The following PON1 variants were observed in gnomAD, a reference collection of about 807,000 sequenced individuals.
PON1 encodes paraoxonase 1, also known as serum paraoxonase/arylesterase 1.
In PON1, 37 loss-of-function variants were observed where a neutral mutation model predicts 39.2. The observed-to-expected ratio is 0.94, with a 90% CI of 0.73 to 1.24. The LOEUF is 1.24. Ranked by LOEUF, PON1 falls within the 50% of genes most tolerant of loss-of-function variation. PON1 has a pLI of 0.00. For missense variants in PON1, 397 were observed against 413.5 expected (o/e 0.96, Z 0.35); for synonymous variants, 148 against 152.2 (o/e 0.97, Z 0.21).
chr7:95,300,453 G>T (rs142388684), intron 8 of PON1, among the ~76,000 whole-genome samples: 188 of 152,238 alleles, frequency 1.2e-3, no homozygotes, highest in Non-Finnish European at 2.2e-3. Context: ...GATATAAAAG[G>T]GTCTGTGGGA....
rs181870015 is a variant in PON1 at position 95,315,942 on chromosome 7, A to G, written c.202-452T>C. ...AGGAACTACTCCTTTCTTAGCCTTC[A>G]ATCAAAACAATAAAGCTGTTGTTTT... On this transcript the variant is annotated intron_variant, in intron 3 of 8. Coordinates refer to ENST00000222381, the MANE Select transcript of PON1 (RefSeq NM_000446.7). Among the ~76,000 whole-genome samples the G allele has an allele frequency of 1.2e-4, 18 of 152,364 alleles. No homozygotes were observed. In the East Asian group the frequency reaches 2.5e-3, roughly 21 times the overall value.
At chr7:95,317,810 G>T (rs920333243) in intron 2 of PON1, among the ~76,000 whole-genome samples, 1 of 151,976 alleles carries the variant, frequency 6.6e-6, no homozygotes, top group African/African-American at 2.4e-5. Flanking sequence ...AGCATCCTTT[G>T]CAACTAGGGC....
rs966125511 is a variant in PON1, at chr7:95,298,806, A to G, written c.*138T>C. ...CTACACATCATATCACTCCCAGTTA[A>G]ACAGTGCTTTGATGCTTCATGATGT... On this transcript the variant is annotated 3_prime_UTR_variant, in exon 9 of 9. Transcript: ENST00000222381. 2.3e-5 allele frequency: 24 copies of G among 1,058,820 alleles called. No individual in the cohort carries two copies. Among genetic ancestry groups the G allele is most frequent in the African/African-American group, 3.1e-5 (2 of 64,024 alleles). 65.6% of individuals were successfully genotyped at this position (1,058,820 alleles called of 1,614,324 possible). A position where few individuals can be genotyped will look rare whatever the true frequency, so the allele number is the denominator to read the frequency against.
chr7:95,304,495 G>A (rs1280630017), intron 7 of PON1, among the ~76,000 whole-genome samples: 1 of 152,002 alleles, frequency 6.6e-6, no homozygotes, highest in East Asian at 1.9e-4. Context: ...ACCATGTCTG[G>A]CTAATTTTTT....
At chr7:95,317,572 A>G (rs1476882248) in intron 2 of PON1, among the ~76,000 whole-genome samples, 1 of 106,966 alleles carries the variant, frequency 9.3e-6, no homozygotes, top group African/African-American at 3.4e-5. Flanking sequence ...TTCTAAAAGA[A>G]CAAAAAAAAA....
At position 95,302,231 on chromosome 7, in the gene PON1, C is replaced by A; in HGVS notation, c.883G>T (p.Asp295Tyr). ...TCTGATGCAGGAGGATTCTCTGAGTCATAGAAGAAGATTTTCATGCCATTG... is the reference window on the plus strand; with the variant it reads ...TCTGATGCAGGAGGATTCTCTGAGTAATAGAAGAAGATTTTCATGCCATTG... Reference protein sequence around the residue: ...HPNGMKIFFYDSENPPASEVL... With the variant: ...HPNGMKIFFYYSENPPASEVL... The change falls in exon 8 of 9, where the codon GAC becomes TAC. Residue 295 changes from aspartate (D) to tyrosine (Y), a missense_variant. Transcript: ENST00000222381. 2 of 1,611,868 alleles carry A rather than the reference C, an allele frequency of 1.2e-6. No homozygotes were observed. Among genetic ancestry groups the A allele is most frequent in the South Asian group, 2.2e-5 (2 of 90,994 alleles).
At chr7:95,322,351 T>C (rs1437898123) in intron 1 of PON1, among the ~76,000 whole-genome samples, 3 of 124,244 alleles carry the variant, frequency 2.4e-5, no homozygotes, top group Non-Finnish European at 5.0e-5. Context: ...TGTGTGTGTG[T>C]ATATATATAT....
At chr7:95,315,903 T>G (rs854557) in intron 3 of PON1, among the ~76,000 whole-genome samples, 43,702 of 151,944 alleles carry the variant, frequency 0.29, 7,028 homozygotes, top group Middle Eastern at 0.43. Context: ...AAAGACAGAG[T>G]TTTGGTGGGC....
At chr7:95,315,905 T>C (rs1041016779) in intron 3 of PON1, among the ~76,000 whole-genome samples, 11 of 152,236 alleles carry the variant, frequency 7.2e-5, no homozygotes, top group African/African-American at 2.7e-4. Context: ...AGACAGAGTT[T>C]TGGTGGGCCA....
chr7:95,320,836 T>C (rs1302479384), intron 1 of PON1, among the ~76,000 whole-genome samples: 2 of 152,378 alleles, frequency 1.3e-5, no homozygotes, highest in African/African-American at 4.8e-5. Flanking sequence ...ATGTCTGAGA[T>C]ATATCTCTGA....
chr7:95,317,916 T>A (rs1047417936), intron 2 of PON1, among the ~76,000 whole-genome samples: 4 of 152,122 alleles, frequency 2.6e-5, no homozygotes, highest in African/African-American at 7.2e-5. Flanking sequence ...AAAAGAGAGA[T>A]GCATAAGGAG....
rs560841778 is a variant in PON1, at chr7:95,298,391, A to T, written c.*553T>A. ...TTCAGGTTAATATTTACTGAGAAAA[A>T]GTCATATATCGAAGGGAAAATGGGA... On this transcript the variant is annotated 3_prime_UTR_variant, in exon 9 of 9. Transcript: ENST00000222381. The T allele has an allele frequency of 1.1e-3, 178 of 164,106 alleles. No individual in the cohort carries two copies. Among genetic ancestry groups the T allele is most frequent in the South Asian group, 2.4e-3 (15 of 6,146 alleles). The allele number at this position is 164,106 out of a possible 1,614,324, so 10.2% of individuals were successfully genotyped here. A position where few individuals can be genotyped will look rare whatever the true frequency, so the allele number is the denominator to read the frequency against.
intron 2 of PON1, among the ~76,000 whole-genome samples, chr7:95,317,523 G>C (rs887341076): frequency 3.0e-5 from 4 of 133,030 alleles, no homozygotes; most frequent in African/African-American, 1.2e-4. Context: ...TAAGTCATCT[G>C]ATCTAGCCTC....
chr7:95,303,732 C>T lies in PON1; in HGVS notation c.781-1399G>A, dbSNP rs778246759. On this transcript the variant is annotated intron_variant, in intron 7 of 8. Transcript: ENST00000222381. Reference sequence around the variant, plus strand: ...TCTTTGCCTTGCAAATAAATAATTCCTCTCCATGCTAACTCATGCAAGACC... The same window carrying T: ...TCTTTGCCTTGCAAATAAATAATTCTTCTCCATGCTAACTCATGCAAGACC... Among the ~76,000 whole-genome samples the T allele has an allele frequency of 9.9e-4, 151 of 152,316 alleles. 1 individual carries two copies. The highest frequency in any genetic ancestry group is 4.0e-3 in the Admixed American group (61 of 15,298).
chr7:95,307,068 TTTTTTA>T (rs1408655610), intron 6 of PON1, among the ~76,000 whole-genome samples: 2 of 118,828 alleles, frequency 1.7e-5, no homozygotes, highest in Non-Finnish European at 3.2e-5. Flanking sequence ...TCTTTTTTTT[TTTTTTA>T]AAAAAAAACA....
intron 8 of PON1, among the ~76,000 whole-genome samples, chr7:95,299,878 A>G (rs3917572): frequency 0.11 from 17,065 of 152,110 alleles, 1,251 homozygotes; most frequent in African/African-American, 0.2. Flanking sequence ...GCAATAGCCA[A>G]ACTGTTGCCA....
Position 95,298,599 on chromosome 7 carries a change from C to A in PON1, c.*345G>T. On this transcript the variant is annotated 3_prime_UTR_variant, in exon 9 of 9. Coordinates refer to ENST00000222381, the MANE Select transcript of PON1 (RefSeq NM_000446.7). ...AACAAGACATGGCAAGGCAGCGATA[C>A]ACACATGTGCTTCCAGGCAACACAT... 2.7e-6 allele frequency: 1 copy of A among 376,538 alleles called. No homozygotes were observed. The allele number at this position is 376,538 out of a possible 1,614,324, so 23.3% of individuals were successfully genotyped here. A position where few individuals can be genotyped will look rare whatever the true frequency, so the allele number is the denominator to read the frequency against.
Position 95,315,638 on chromosome 7 carries a change from TG to T in PON1, c.202-149del, listed in dbSNP as rs1807751847. The T allele has an allele frequency of 3.7e-6, 3 of 820,552 alleles. No individual in the cohort carries two copies. In the Admixed American group the frequency reaches 6.3e-5, roughly 17 times the overall value. The allele number at this position is 820,552 out of a possible 1,614,324, so 50.8% of individuals were successfully genotyped here. On this transcript the variant is annotated intron_variant, in intron 3 of 8. Transcript: ENST00000222381. ...CATAGGAAGCCTCTTAGTTAGCTTC[TG>T]TAATGGGTCCCCAGGAGAAGTCTTC...
chr7:95,301,682 A>G (rs1398295206), intron 8 of PON1, among the ~76,000 whole-genome samples: 2 of 152,022 alleles, frequency 1.3e-5, no homozygotes, highest in Non-Finnish European at 2.9e-5. Context: ...AAATTATCCA[A>G]TTTAAGTGTG....
Sources: allele counts gnomAD v4.1 joint callset (sites outside exome capture counted in the v4.1 genomes callset), GRCh38; gene constraint gnomAD v4.1.1; transcripts MANE v1.5; gene names NCBI Gene and HGNC (gene_info 2026-07-23, HGNC 2026-07-21).